MSRB3: variants seen among roughly 807,000 people sequenced by gnomAD.
The protein encoded by MSRB3 is methionine sulfoxide reductase B3.
Under a neutral mutation model 21.0 loss-of-function variants are expected in MSRB3, and 13 were observed. That is an observed-to-expected ratio of 0.62 (90% CI 0.40 to 0.98). The LOEUF (loss-of-function observed/expected upper bound fraction) is 0.98. MSRB3 is among the 50% of genes least tolerant of loss of function. The probability of loss-of-function intolerance (pLI) is 0.00; values close to 1 mark genes in which losing one functional copy is unlikely to be tolerated. For synonymous variants in MSRB3, 87 were observed against 88.6 expected (o/e 0.98, Z 0.10); for missense variants, 199 against 230.3 (o/e 0.86, Z 0.88).
At chr12:65,418,037 T>G (rs940141290) in intron 5 of MSRB3, among the ~76,000 whole-genome samples, 42 of 152,220 alleles carry the variant, frequency 2.8e-4, no homozygotes, top group Non-Finnish European at 4.4e-5. Flanking sequence ...CTGTTTTCAA[T>G]TTTTTATCAT....
intron 5 of MSRB3, among the ~76,000 whole-genome samples, chr12:65,374,439 T>C (rs1344937403): frequency 6.6e-6 from 1 of 152,198 alleles, no homozygotes; most frequent in African/African-American, 2.4e-5. Flanking sequence ...TGGTCCATTA[T>C]ACAAATTCAC....
intron 5 of MSRB3, among the ~76,000 whole-genome samples, chr12:65,411,605 A>C (rs1880719179): frequency 6.6e-6 from 1 of 152,068 alleles, no homozygotes; most frequent in South Asian, 2.1e-4. Context: ...TGTAGTTTTC[A>C]GGCATTCAAT....
rs148360162 is a variant in MSRB3, at chr12:65,378,723, A to G, written c.292+9697A>G. ...AAACCTAGATGTTTCACTATCTCTC[A>G]GGGATGGGCTCACATGGACAAACCC... is the stretch of plus-strand genomic sequence containing the variant. On this transcript the variant is annotated intron_variant, in intron 5 of 6. Coordinates refer to ENST00000308259, the MANE Select transcript of MSRB3 (RefSeq NM_001031679.3). 8.9e-4 allele frequency among the ~76,000 whole-genome samples: 135 copies of G among 152,306 alleles called. 1 individual carries two copies. The East Asian group carries it at 0.018, about 20-fold the overall frequency.
chr12:65,386,707 T>C (rs923362316), intron 5 of MSRB3, among the ~76,000 whole-genome samples: 1 of 151,956 alleles, frequency 6.6e-6, no homozygotes, highest in Admixed American at 6.6e-5. Flanking sequence ...TTAAGAGTAG[T>C]ATTTTTAAAT....
At chr12:65,407,190 A>G (rs1880461379) in intron 5 of MSRB3, among the ~76,000 whole-genome samples, 1 of 152,192 alleles carries the variant, frequency 6.6e-6, no homozygotes, top group South Asian at 2.1e-4. Flanking sequence ...CATAGATGCC[A>G]AAAACACACA....
intron 5 of MSRB3, among the ~76,000 whole-genome samples, chr12:65,381,314 A>C (rs527944621): frequency 3.3e-5 from 5 of 152,284 alleles, no homozygotes; most frequent in African/African-American, 9.6e-5. Context: ...ATAAATTGGA[A>C]TGAATCGATG....
At chr12:65,282,220 G>A (rs1388444665) in intron 1 of MSRB3, among the ~76,000 whole-genome samples, 1 of 151,984 alleles carries the variant, frequency 6.6e-6, no homozygotes, top group African/African-American at 2.4e-5. Flanking sequence ...AGGAGGCTGA[G>A]GCAGGAGAAT....
chr12:65,420,523 T>C (rs1404712514), intron 5 of MSRB3, among the ~76,000 whole-genome samples: 1 of 152,138 alleles, frequency 6.6e-6, no homozygotes, highest in East Asian at 1.9e-4. Context: ...AGGTTTGTTA[T>C]ATAGGTAAAC....
intron 1 of MSRB3, among the ~76,000 whole-genome samples, chr12:65,293,970 G>T (rs1401809188): frequency 6.6e-6 from 1 of 152,182 alleles, no homozygotes; most frequent in Non-Finnish European, 1.5e-5. Flanking sequence ...TCCAGGTAGA[G>T]GGGAAGGAAG....
chr12:65,375,275 G>C (rs1592577953), intron 5 of MSRB3, among the ~76,000 whole-genome samples: 1 of 152,156 alleles, frequency 6.6e-6, no homozygotes, highest in African/African-American at 2.4e-5. Flanking sequence ...TCAGATAGAT[G>C]TAAGTCTCTC....
chr12:65,425,130 C>T (rs554417243), intron 5 of MSRB3, among the ~76,000 whole-genome samples: 2 of 35,088 alleles, frequency 5.7e-5, no homozygotes, highest in African/African-American at 2.2e-4. Context: ...TCTCATTTTA[C>T]AGTTTTTGAC....
intron 5 of MSRB3, among the ~76,000 whole-genome samples, chr12:65,451,198 C>T (rs1295231698): frequency 1.3e-5 from 2 of 152,152 alleles, no homozygotes; most frequent in East Asian, 1.9e-4. Flanking sequence ...TTGAAAACTG[C>T]CATCTCTTCT....
At chr12:65,405,698 C>A (rs528330747) in intron 5 of MSRB3, among the ~76,000 whole-genome samples, 1 of 152,146 alleles carries the variant, frequency 6.6e-6, no homozygotes. Flanking sequence ...TAATTCCCAC[C>A]AACAGTGTAC....
intron 5 of MSRB3, among the ~76,000 whole-genome samples, chr12:65,424,424 C>A (rs1881474045): frequency 6.6e-6 from 1 of 151,858 alleles, no homozygotes; most frequent in African/African-American, 2.4e-5. Context: ...GATCTTTCTT[C>A]TTTTTTGATG....
At position 65,466,685 on chromosome 12, in the gene MSRB3, T is replaced by C. The variant is rs1883587063; in HGVS notation, c.*3363T>C. Reference sequence around the variant, plus strand: ...GTAGCAATTTGAAAACTTCTCCGTATTACTTGTGTTTAAAATGTCTTGCTT... The same window carrying C: ...GTAGCAATTTGAAAACTTCTCCGTACTACTTGTGTTTAAAATGTCTTGCTT... On this transcript the variant is annotated 3_prime_UTR_variant, in exon 7 of 7. Transcript: ENST00000308259. 2 of 152,200 alleles carry C rather than the reference T, an allele frequency of 1.3e-5. No individual in the cohort carries two copies. The highest frequency in any genetic ancestry group is 1.3e-4 in the Admixed American group (2 of 15,284). The allele number at this position is 152,200 out of a possible 1,614,324, so 9.4% of individuals were successfully genotyped here.
At chr12:65,419,824 C>G in intron 5 of MSRB3, 2 of 849,096 alleles carry the variant, frequency 2.4e-6, no homozygotes, top group Middle Eastern at 2.6e-4. Context: ...CTAGCCATCC[C>G]TCCGGCCAGG....
In MSRB3 at chr12:65,453,815, G is replaced by A; in HGVS notation, c.380G>A (p.Ser127Asn). Residue 127 changes from serine (S) to asparagine (N), a missense_variant, in exon 6 of 7, where the codon AGC (serine) becomes AAC (asparagine). Physicochemically the swap from Ser to Asn is conservative, Grantham distance 46. Coordinates refer to ENST00000308259, the MANE Select transcript of MSRB3 (RefSeq NM_001031679.3). The part of the protein sequence containing the change: ...FSYGMHRVET[S>N]CSQCGAHLGH... ...TATGGGATGCACAGGGTGGAAACAA[G>A]CTGCTCTCAGGTGAGTTCATCCTTT... 1 of 1,613,784 alleles carries A rather than the reference G, an allele frequency of 6.2e-7. No homozygotes were observed. The highest frequency in any genetic ancestry group is 8.5e-7 in the Non-Finnish European group (1 of 1,179,738).
intron 5 of MSRB3, among the ~76,000 whole-genome samples, chr12:65,436,241 A>G (rs1206808821): frequency 6.6e-6 from 1 of 151,894 alleles, no homozygotes; most frequent in Non-Finnish European, 1.5e-5. Context: ...TAAGTTTGTC[A>G]CCAATAGAAA....
chr12:65,293,157 G>A (rs764648926), intron 1 of MSRB3, among the ~76,000 whole-genome samples: 1 of 152,038 alleles, frequency 6.6e-6, no homozygotes. Flanking sequence ...CCAGTTACTT[G>A]AGCCAGAATT....
Sources: allele counts gnomAD v4.1 joint callset (sites outside exome capture counted in the v4.1 genomes callset), GRCh38; gene constraint gnomAD v4.1.1; transcripts MANE v1.5; gene names NCBI Gene and HGNC (gene_info 2026-07-23, HGNC 2026-07-21).